GRIA2: variants seen among roughly 807,000 people sequenced by gnomAD.
GRIA2 encodes the protein glutamate receptor 2.
In GRIA2, 14 loss-of-function variants were observed where a neutral mutation model predicts 97.3. That is an observed-to-expected ratio of 0.14 (90% CI 0.10 to 0.23). The LOEUF is 0.23. Among genes scored for constraint, GRIA2 ranks in the 10% least tolerant of loss-of-function variants. The probability of loss-of-function intolerance (pLI) is 1.00; values close to 1 mark genes in which losing one functional copy is unlikely to be tolerated. For synonymous variants in GRIA2, 412 were observed against 387.8 expected (o/e 1.06, Z -0.73); for missense variants, 558 against 1,069.8 (o/e 0.52, Z 6.67).
chr4:157,235,696 G>A (rs544306479), intron 2 of GRIA2, among the ~76,000 whole-genome samples: 19 of 151,788 alleles, frequency 1.3e-4, no homozygotes, highest in African/African-American at 3.1e-4. Flanking sequence ...TCAATTTTTC[G>A]CATCATATTT....
chr4:157,271,110 T>C (rs1732003544), intron 2 of GRIA2, among the ~76,000 whole-genome samples: 1 of 152,068 alleles, frequency 6.6e-6, no homozygotes, highest in Admixed American at 6.6e-5. Flanking sequence ...AAAAAACTCA[T>C]GCACAATTAA....
At chr4:157,343,097 G>A (rs1478360259) in intron 12 of GRIA2, among the ~76,000 whole-genome samples, 1 of 152,056 alleles carries the variant, frequency 6.6e-6, no homozygotes, top group Non-Finnish European at 1.5e-5. Context: ...TTTTGTTTCA[G>A]TGCACTAACT....
At chr4:157,263,642 T>C (rs1194970398) in intron 2 of GRIA2, among the ~76,000 whole-genome samples, 1 of 152,178 alleles carries the variant, frequency 6.6e-6, no homozygotes, top group East Asian at 1.9e-4. Flanking sequence ...TGACAGCTTC[T>C]GTACCCCGTT....
intron 2 of GRIA2, among the ~76,000 whole-genome samples, chr4:157,266,202 G>A (rs1204322928): frequency 2.0e-5 from 3 of 152,082 alleles, no homozygotes; most frequent in Non-Finnish European, 4.4e-5. Context: ...AAGTTGTCTA[G>A]AAGGCAATCA....
At chr4:157,251,737 A>G (rs764065175) in intron 2 of GRIA2, among the ~76,000 whole-genome samples, 19 of 152,108 alleles carry the variant, frequency 1.2e-4, no homozygotes, top group Admixed American at 2.6e-4. Flanking sequence ...TAAAATGTCT[A>G]TTTTTAAGAT....
chr4:157,266,169 G>A (rs1017847963), intron 2 of GRIA2, among the ~76,000 whole-genome samples: 1 of 152,092 alleles, frequency 6.6e-6, no homozygotes, highest in African/African-American at 2.4e-5. Context: ...TTGAACTTAA[G>A]AGGCTCATAA....
At chr4:157,351,559 A>T (rs1029208445) in intron 12 of GRIA2, among the ~76,000 whole-genome samples, 2 of 152,204 alleles carry the variant, frequency 1.3e-5, no homozygotes, top group African/African-American at 2.4e-5. Flanking sequence ...TACCAAAAAG[A>T]TATGATTCTA....
At chr4:157,250,521 C>A (rs1730974653) in intron 2 of GRIA2, among the ~76,000 whole-genome samples, 1 of 152,060 alleles carries the variant, frequency 6.6e-6, no homozygotes, top group Admixed American at 6.6e-5. Flanking sequence ...TCCAGAGTTT[C>A]TTTTCATTCG....
At chr4:157,316,870 G>T (rs1734345964) in intron 4 of GRIA2, among the ~76,000 whole-genome samples, 1 of 152,178 alleles carries the variant, frequency 6.6e-6, no homozygotes, top group African/African-American at 2.4e-5. Context: ...CAGGACTAAA[G>T]CATGGCCAGT....
chr4:157,251,536 G>T (rs983728690), intron 2 of GRIA2, among the ~76,000 whole-genome samples: 1 of 152,042 alleles, frequency 6.6e-6, no homozygotes, highest in Non-Finnish European at 1.5e-5. Context: ...ACTTAGTCCT[G>T]TAGTACATTT....
At chr4:157,320,148 G>T (rs976354234) in intron 5 of GRIA2, among the ~76,000 whole-genome samples, 4 of 151,966 alleles carry the variant, frequency 2.6e-5, no homozygotes, top group Non-Finnish European at 4.4e-5. Context: ...CTCTAGCATT[G>T]AAAAAATGGG....
intron 2 of GRIA2, among the ~76,000 whole-genome samples, chr4:157,224,962 A>C (rs1729676616): frequency 1.3e-5 from 2 of 152,146 alleles, no homozygotes; most frequent in East Asian, 3.8e-4. Flanking sequence ...TAAAAATCCC[A>C]CAGAGCTAAA....
rs530496883 is a variant in GRIA2, at chr4:157,321,671, G to A, written c.882+72G>A. On this transcript the variant is annotated intron_variant, in intron 6 of 15. Transcript: ENST00000264426. The stretch of plus-strand genomic sequence containing the variant: ...AGAGAAGAGTCTTGGCAAATAAGGA[G>A]GAAGGAGAAAATAATAAAGGGAGTA... 3.1e-4 allele frequency: 321 copies of A among 1,033,332 alleles called. 2 individuals carry two copies. Among genetic ancestry groups the A allele is most frequent in the Middle Eastern group, 1.9e-3 (8 of 4,186 alleles). 64.0% of individuals were successfully genotyped at this position (1,033,332 alleles called of 1,614,324 possible).
intron 2 of GRIA2, among the ~76,000 whole-genome samples, chr4:157,286,101 G>T (rs1354529649): frequency 1.3e-5 from 2 of 151,388 alleles, no homozygotes; most frequent in Admixed American, 6.6e-5. Context: ...TATTTTCAAG[G>T]ATCATTTCCT....
At chr4:157,262,721 C>T (rs1172264293) in intron 2 of GRIA2, among the ~76,000 whole-genome samples, 1 of 152,036 alleles carries the variant, frequency 6.6e-6, no homozygotes. Flanking sequence ...TTAACAGAGA[C>T]ACAGTGTACT....
chr4:157,363,683 A>T lies in GRIA2; in HGVS notation c.*252A>T. ...GTGGTGAGAGGCATCCAGTATCTTG[A>T]AGACTTTTCTTTCAGCCAAGAATTC... On this transcript the variant is annotated 3_prime_UTR_variant, in exon 16 of 16. Transcript: ENST00000264426. The T allele has an allele frequency of 1.4e-6, 1 of 703,002 alleles. No homozygotes were observed. The highest frequency in any genetic ancestry group is 2.0e-6 in the Non-Finnish European group (1 of 503,212). The allele number at this position is 703,002 out of a possible 1,614,324, so 43.5% of individuals were successfully genotyped here.
intron 2 of GRIA2, among the ~76,000 whole-genome samples, chr4:157,293,335 G>C (rs191674790): frequency 6.6e-6 from 1 of 152,250 alleles, no homozygotes; most frequent in East Asian, 1.9e-4. Context: ...ATAAAATGTT[G>C]CTGCTATCTT....
At chr4:157,254,257 A>C (rs934894893) in intron 2 of GRIA2, among the ~76,000 whole-genome samples, 1 of 152,096 alleles carries the variant, frequency 6.6e-6, no homozygotes, top group Non-Finnish European at 1.5e-5. Flanking sequence ...TGTGTGTACT[A>C]TAAGAACGTA....
Position 157,363,580 on chromosome 4 carries a change from G to T in GRIA2, c.*149G>T, listed in dbSNP as rs1467514904. On this transcript the variant is annotated 3_prime_UTR_variant, in exon 16 of 16. Transcript: ENST00000264426. ...AGTCCTGGCATGGGAATGAATGTCA[G>T]TGTGACTGATCTCTCGTGATTGATA... 21 of 1,233,772 alleles carry T rather than the reference G, an allele frequency of 1.7e-5. No individual in the cohort carries two copies. The highest frequency in any genetic ancestry group is 4.2e-5 in the Admixed American group (1 of 23,826). 76.4% of individuals were successfully genotyped at this position (1,233,772 alleles called of 1,614,324 possible).
Sources: gnomAD v4.1 joint callset for allele counts (sites outside exome capture counted in the v4.1 genomes callset) on GRCh38, gnomAD v4.1.1 for gene constraint, MANE v1.5 for transcripts, NCBI Gene and HGNC (gene_info 2026-07-23, HGNC 2026-07-21) for gene names.